ZC2HC1B: variants seen among roughly 807,000 people sequenced by gnomAD.
ZC2HC1B encodes the protein zinc finger C2HC-type containing 1B, also known as zinc finger C2HC domain-containing protein 1B.
In ZC2HC1B, 36 loss-of-function variants were observed where a neutral mutation model predicts 31.0. The ratio of observed to expected loss-of-function variants is 1.16; its 90% CI spans 0.89 to 1.54. The LOEUF is 1.54. Ranked by LOEUF, ZC2HC1B falls within the 40% of genes most tolerant of loss-of-function variation. The pLI is 0.00. For missense variants in ZC2HC1B, 260 were observed against 268.6 expected (o/e 0.97, Z 0.22); for synonymous variants, 73 against 88.0 (o/e 0.83, Z 0.95).
rs1185385922 is a variant in ZC2HC1B, at chr6:143,895,308, G to A, written c.350-3244G>A. Among the ~76,000 whole-genome samples, 17 of 152,078 alleles carry A rather than the reference G, an allele frequency of 1.1e-4. No individual in the cohort carries two copies. In the East Asian group the frequency reaches 2.7e-3, roughly 24 times the overall value. ...CTCCTGAGTAGCTGGGATTACAGGCGCCCGCCACCACGCCCAGCTGATTTC... is the reference window on the plus strand; with the variant it reads ...CTCCTGAGTAGCTGGGATTACAGGCACCCGCCACCACGCCCAGCTGATTTC... On this transcript the variant is annotated intron_variant, in intron 4 of 7. Coordinates refer to ENST00000237275, the MANE Select transcript of ZC2HC1B (RefSeq NM_001013623.3). This position sits in a 1 kb window ranked among gnomAD's most constrained non-coding sequence, Gnocchi z 4.8.
rs550007657 is a variant in ZC2HC1B at position 143,870,736 on chromosome 6, T to C, written c.28+6169T>C. Among the ~76,000 whole-genome samples the C allele has an allele frequency of 9.8e-4, 150 of 152,302 alleles. No individual in the cohort carries two copies. Among genetic ancestry groups the C allele is most frequent in the Non-Finnish European group, 1.8e-3 (123 of 68,016 alleles). On this transcript the variant is annotated intron_variant, in intron 1 of 7. Transcript: ENST00000237275. This position sits in a 1 kb window ranked among gnomAD's most constrained non-coding sequence, Gnocchi z 4.7. ...ATTATCTGTAGAAGATGGCAGAGCC[T>C]TGCTCCAAAATCCTAGAGGCCTCCA... is the stretch of plus-strand genomic sequence containing the variant.
At chr6:143,893,495 A>T (rs747545054) in intron 4 of ZC2HC1B, among the ~76,000 whole-genome samples, 6 of 151,952 alleles carry the variant, frequency 3.9e-5, no homozygotes, top group Non-Finnish European at 8.8e-5. Context: ...TTGAACCTGG[A>T]GGCAGAGGTT....
chr6:143,917,577 A>C lies in ZC2HC1B; in HGVS notation c.598+14425A>C, dbSNP rs1777933775. ...CCACCCATTTTGTTATTGATGTCAC[A>C]AAATTACATCTTTATACAGGTTGAA... On this transcript the variant is annotated intron_variant, in intron 6 of 7. Transcript: ENST00000237275. This position sits in a 1 kb window ranked among gnomAD's most constrained non-coding sequence, Gnocchi z 4.1. Among the ~76,000 whole-genome samples, 1 of 152,222 alleles carries C rather than the reference A, an allele frequency of 6.6e-6. No individual in the cohort carries two copies. Among genetic ancestry groups the C allele is most frequent in the Non-Finnish European group, 1.5e-5 (1 of 68,034 alleles).
At chr6:143,881,785 A>G (rs1449954260) in intron 1 of ZC2HC1B, 1 of 152,132 alleles carries the variant, frequency 6.6e-6, no homozygotes, top group Non-Finnish European at 1.5e-5. Flanking sequence ...TGGCTAGGTA[A>G]GTGTTCCCTT....
In ZC2HC1B at chr6:143,921,019, TTTC is replaced by T. The variant is rs559702993; in HGVS notation, c.599-16624_599-16622del. On this transcript the variant is annotated intron_variant, in intron 6 of 7. Coordinates refer to ENST00000237275, the MANE Select transcript of ZC2HC1B (RefSeq NM_001013623.3). This position sits in a 1 kb window ranked among gnomAD's most constrained non-coding sequence, Gnocchi z 6.1. ...GAATCCCAAATGTAATACAATGCTG[TTTC>T]TTCTTAATCCTGCTCCAGCTACAAG... Among the ~76,000 whole-genome samples, 54 of 152,250 alleles carry T rather than the reference TTTC, an allele frequency of 3.5e-4. No individual in the cohort carries two copies. Among genetic ancestry groups the T allele is most frequent in the African/African-American group, 1.3e-3 (52 of 41,552 alleles).
At chr6:143,879,861 T>C (rs9496792) in intron 1 of ZC2HC1B, among the ~76,000 whole-genome samples, 4,355 of 137,106 alleles carry the variant, frequency 0.032, 215 homozygotes, top group African/African-American at 0.1. Flanking sequence ...AGACAGGGTC[T>C]AGCTCTGTTG....
Position 143,884,323 on chromosome 6 carries a change from T to G in ZC2HC1B, c.48T>G (p.Phe16Leu), listed in dbSNP as rs1221582379. 6.5e-7 allele frequency: 1 copy of G among 1,533,144 alleles called. No homozygotes were observed. The highest frequency in any genetic ancestry group is 1.2e-5 in the South Asian group (1 of 81,838). 95.0% of individuals were successfully genotyped at this position (1,533,144 alleles called of 1,614,324 possible). Residue 16 changes from phenylalanine to leucine, a missense_variant, in exon 2 of 8, where the codon TTT becomes TTG. Physicochemically the swap from Phe to Leu is conservative, Grantham distance 22. Coordinates refer to ENST00000237275, the MANE Select transcript of ZC2HC1B (RefSeq NM_001013623.3). This position sits in a 1 kb window ranked among gnomAD's most constrained non-coding sequence, Gnocchi z 5.1. ...PFLADGNQEL[F>L]PCEVCGRRFA... ...ACACAGATGGCAATCAGGAATTGTT[T>G]CCCTGTGAAGTCTGTGGAAGACGTT...
chr6:143,936,553 T>A (rs536972400), intron 6 of ZC2HC1B, among the ~76,000 whole-genome samples: 4 of 152,336 alleles, frequency 2.6e-5, no homozygotes, highest in African/African-American at 9.6e-5. Context: ...AGTCAGCAAA[T>A]ATGTACTGAT....
In ZC2HC1B at chr6:143,913,388, C is replaced by T. The variant is rs1330815725; in HGVS notation, c.598+10236C>T. ...AGCAGAGGTGTTGCCCACCACTCTC[C>T]CCTTGAGGCTCCATCCTGTCTCAGG... On this transcript the variant is annotated intron_variant, in intron 6 of 7. Transcript: ENST00000237275. This position sits in a 1 kb window ranked among gnomAD's most constrained non-coding sequence, Gnocchi z 5.7. Among the ~76,000 whole-genome samples the T allele has an allele frequency of 6.6e-6, 1 of 152,206 alleles. No individual in the cohort carries two copies. The highest frequency in any genetic ancestry group is 1.5e-5 in the Non-Finnish European group (1 of 68,022).
rs1777250283 is a variant in ZC2HC1B, at chr6:143,865,698, G to T, written c.28+1131G>T. ...TATGAATGAATGGATAGATGGGAAA[G>T]ATTTCAGAAAAGAATTAAACATAGA... On this transcript the variant is annotated intron_variant, in intron 1 of 7. Coordinates refer to ENST00000237275, the MANE Select transcript of ZC2HC1B (RefSeq NM_001013623.3). The surrounding 1 kb of genome is among the most constrained non-coding windows in gnomAD (Gnocchi z 4.4). Among the ~76,000 whole-genome samples the T allele has an allele frequency of 4.8e-5, 7 of 147,318 alleles. No individual in the cohort carries two copies. The Admixed American group carries it at 4.8e-4, about 10-fold the overall frequency.
chr6:143,878,217 C>G (rs1777429885), intron 1 of ZC2HC1B, among the ~76,000 whole-genome samples: 1 of 150,834 alleles, frequency 6.6e-6, no homozygotes, highest in Non-Finnish European at 1.5e-5. Flanking sequence ...ACTCTACTTT[C>G]TTGTTTTAGT....
At chr6:143,882,334 T>TTATATATATATATATATA (rs59777839) in intron 1 of ZC2HC1B, among the ~76,000 whole-genome samples, 24 of 85,518 alleles carry the variant, frequency 2.8e-4, no homozygotes, top group African/African-American at 1.1e-3. Context: ...TTTATATTTT[T>TTATATATATATATATATA]TATATATATA....
Position 143,905,454 on chromosome 6 carries a change from TG to T in ZC2HC1B, c.598+2304del. The stretch of plus-strand genomic sequence containing the variant: ...AATTTATTGCTTCTAATAAGTTTTT[TG>T]GTGATATCTTTAGGATTTTCTGCTT... On this transcript the variant is annotated intron_variant, in intron 6 of 7. Transcript: ENST00000237275. This position sits in a 1 kb window ranked among gnomAD's most constrained non-coding sequence, Gnocchi z 4.2. Among the ~76,000 whole-genome samples the T allele has an allele frequency of 6.6e-6, 1 of 152,338 alleles. No homozygotes were observed. The highest frequency in any genetic ancestry group is 1.5e-5 in the Non-Finnish European group (1 of 68,038).
intron 6 of ZC2HC1B, among the ~76,000 whole-genome samples, chr6:143,926,949 T>C (rs1778058194): frequency 1.1e-5 from 1 of 90,596 alleles, no homozygotes; most frequent in South Asian, 4.4e-4. Flanking sequence ...TAGCTGGGAC[T>C]ACAGGCGCCC....
In ZC2HC1B at chr6:143,870,862, A is replaced by G. The variant is rs1185895640; in HGVS notation, c.28+6295A>G. 1.3e-5 allele frequency among the ~76,000 whole-genome samples: 2 copies of G among 152,192 alleles called. No individual in the cohort carries two copies. The highest frequency in any genetic ancestry group is 2.4e-5 in the African/African-American group (1 of 41,448). ...TGGATCTGCTGGGTCATATGGCCCA[A>G]TTGACAGAGCAGCTTGCACAGCAGC... On this transcript the variant is annotated intron_variant, in intron 1 of 7. Coordinates refer to ENST00000237275, the MANE Select transcript of ZC2HC1B (RefSeq NM_001013623.3). The surrounding 1 kb of genome is among the most constrained non-coding windows in gnomAD (Gnocchi z 4.7).
chr6:143,874,437 C>G (rs190795692), intron 1 of ZC2HC1B, among the ~76,000 whole-genome samples: 118 of 152,268 alleles, frequency 7.7e-4, no homozygotes, highest in African/African-American at 2.7e-3. Flanking sequence ...CAGGAACACC[C>G]CACTCTACTG....
At chr6:143,866,908 C>T (rs1777270235) in intron 1 of ZC2HC1B, among the ~76,000 whole-genome samples, 1 of 152,188 alleles carries the variant, frequency 6.6e-6, no homozygotes. Flanking sequence ...TCACTCTTTC[C>T]CCTCAGGTAA....
chr6:143,877,277 T>C lies in ZC2HC1B; in HGVS notation c.29-7027T>C, dbSNP rs866264817. The stretch of plus-strand genomic sequence containing the variant: ...CCTAAAGATTTTTTTAATTTCTTTT[T>C]TTTTTTTTTTTTTTTTTTTTTTGAG... On this transcript the variant is annotated intron_variant, in intron 1 of 7. Transcript: ENST00000237275. 5.3e-4 allele frequency among the ~76,000 whole-genome samples: 60 copies of C among 114,192 alleles called. 2 individuals carry two copies. The highest frequency in any genetic ancestry group is 9.7e-4 in the Non-Finnish European group (51 of 52,838). 74.9% of individuals were successfully genotyped at this position (114,192 alleles called of 152,430 possible). A position where few individuals can be genotyped will look rare whatever the true frequency, so the allele number is the denominator to read the frequency against.
At chr6:143,919,482 T>C (rs1203524026) in intron 6 of ZC2HC1B, among the ~76,000 whole-genome samples, 1 of 152,104 alleles carries the variant, frequency 6.6e-6, no homozygotes, top group Non-Finnish European at 1.5e-5. Context: ...TCCCTTTAAA[T>C]CCCCTGGAAG....
Sources: gnomAD v4.1 joint callset for allele counts (sites outside exome capture counted in the v4.1 genomes callset) on GRCh38, gnomAD v4.1.1 for gene constraint, Gnocchi (gnomAD v3.1) non-coding constraint, MANE v1.5 for transcripts, NCBI Gene and HGNC (gene_info 2026-07-23, HGNC 2026-07-21) for gene names.